Variants in U2AF2 observed in about 807,000 individuals in gnomAD.
The protein encoded by U2AF2 is splicing factor U2AF 65 kDa subunit.
In U2AF2, 6 loss-of-function variants were observed where a neutral mutation model predicts 52.6. That is an observed-to-expected ratio of 0.11 (90% confidence interval 0.06 to 0.23). The LOEUF is 0.23. Among genes scored for constraint, U2AF2 ranks in the 10% least tolerant of loss-of-function variants. The pLI, the probability that U2AF2 is intolerant of heterozygous loss-of-function variation, is 1.00. For missense variants in U2AF2, 222 were observed against 677.1 expected (o/e 0.33, Z 7.46); for synonymous variants, 284 against 258.2 (o/e 1.10, Z -0.96).
intron 2 of U2AF2, among the ~76,000 whole-genome samples, chr19:55,659,932 C>A (rs1984058189): frequency 6.6e-6 from 1 of 152,184 alleles, no homozygotes; most frequent in African/African-American, 2.4e-5. Context: ...CCTCCCGGCT[C>A]AGTTTCTCCA....
chr19:55,656,658 C>T (rs975595829), intron 1 of U2AF2, among the ~76,000 whole-genome samples: 3 of 152,216 alleles, frequency 2.0e-5, no homozygotes, highest in African/African-American at 7.2e-5. Context: ...ATCCTTTTAA[C>T]AGCCTTGTGA....
At chr19:55,670,456 A>C (rs1301725941) in intron 11 of U2AF2, among the ~76,000 whole-genome samples, 3 of 139,602 alleles carry the variant, frequency 2.1e-5, no homozygotes, top group Non-Finnish European at 3.0e-5. Context: ...TGTCCCGTGC[A>C]CCCTGCTGTC....
At chr19:55,673,783 C>G (rs1471547478) in intron 11 of U2AF2, 151 bp from the exon 12 acceptor site, 25 of 1,086,956 alleles carry the variant, frequency 2.3e-5, no homozygotes, top group African/African-American at 1.9e-4. Context: ...TGAACTCCAC[C>G]AAACCTGCTT....
chr19:55,669,824 C>G (rs1033132175), intron 11 of U2AF2, 132 bp downstream of exon 11: 10 of 1,349,090 alleles, frequency 7.4e-6, no homozygotes, highest in Non-Finnish European at 9.8e-6. Context: ...CTCTCTCTCT[C>G]CTCTCGCAGC....
intron 10 of U2AF2, 71 bp downstream of exon 10, chr19:55,669,252 C>T: frequency 1.3e-6 from 2 of 1,577,702 alleles, no homozygotes; most frequent in Non-Finnish European, 1.7e-6. Context: ...ACAAGTGTTC[C>T]TGATCTTTCT....
chr19:55,663,351 C>T (rs1454824117), intron 6 of U2AF2, among the ~76,000 whole-genome samples: 2 of 152,226 alleles, frequency 1.3e-5, no homozygotes, highest in Non-Finnish European at 2.9e-5. Context: ...TGTCCCTCTT[C>T]CGTGTCATCA....
intron 11 of U2AF2, chr19:55,672,110 CAG>C (rs1984957643): frequency 6.8e-6 from 1 of 147,504 alleles, no homozygotes. Context: ...GCCTGGGTGA[CAG>C]AGCAAGACAT....
intron 7 of U2AF2, chr19:55,663,984 G>C: frequency 1.9e-6 from 1 of 534,794 alleles, no homozygotes; most frequent in Middle Eastern, 5.1e-4. Flanking sequence ...GTACGTGGCA[G>C]AGCCAGGATC....
chr19:55,669,014 G>A (rs1984716079), intron 9 of U2AF2, 69 bp from the exon 10 acceptor site: 1 of 1,556,972 alleles, frequency 6.4e-7, no homozygotes, highest in African/African-American at 1.4e-5. Flanking sequence ...CTTGGGGGTA[G>A]GTGTCGGGCT....
At chr19:55,660,479 G>A (rs1345825100) in intron 3 of U2AF2, 37 bp from the exon 4 acceptor site, 3 of 1,152,912 alleles carry the variant, frequency 2.6e-6, no homozygotes, top group Non-Finnish European at 3.9e-6. Flanking sequence ...TCAGACTGAG[G>A]TTGCCCTGCC....
intron 2 of U2AF2, 26 bp from the exon 3 acceptor site, chr19:55,660,151 C>T (rs1313352372): frequency 2.5e-6 from 4 of 1,588,836 alleles, no homozygotes; most frequent in South Asian, 2.2e-5. Flanking sequence ...TCACCCCTCC[C>T]CATACCTTTC....
chr19:55,655,741 C>G (rs1983752133), intron 1 of U2AF2, among the ~76,000 whole-genome samples: 1 of 152,224 alleles, frequency 6.6e-6, no homozygotes, highest in Non-Finnish European at 1.5e-5. Context: ...TCTGATCTCT[C>G]CCGCCAGGTG....
chr19:55,668,383 C>A lies in U2AF2; in HGVS notation c.743-124C>A. 1 of 971,390 alleles carries A rather than the reference C, an allele frequency of 1.0e-6. No homozygotes were observed. Among genetic ancestry groups the A allele is most frequent in the Non-Finnish European group, 1.5e-6 (1 of 672,716 alleles). 60.2% of individuals were successfully genotyped at this position (971,390 alleles called of 1,614,324 possible). On this transcript the variant is annotated intron_variant, in intron 7 of 11. Coordinates refer to ENST00000308924, the MANE Select transcript of U2AF2 (RefSeq NM_007279.3). The surrounding 1 kb of genome is among the most constrained non-coding windows in gnomAD (Gnocchi z 5.5). ...TGGGGTGGGGTGGGCACGTGGCGACCCCTCCCTCGTCAGATCAGGCAGGAA... is the reference window on the plus strand; with the variant it reads ...TGGGGTGGGGTGGGCACGTGGCGACACCTCCCTCGTCAGATCAGGCAGGAA...
At chr19:55,661,241 C>A (rs1397097369) in intron 5 of U2AF2, 52 bp downstream of exon 5, 1 of 1,446,394 alleles carries the variant, frequency 6.9e-7, no homozygotes, top group Admixed American at 2.2e-5. Context: ...TACCCCGTTC[C>A]TCCCCTTCCC....
rs746794057 is a variant in U2AF2, at chr19:55,659,320, G to A, written c.160G>A (p.Ala54Thr). ...CCGGCGCAACCGGGACCAGCGGAGC[G>A]CCTCCCGGGACAGGCGACGACGCAG... ...RDRRNRDQRS[A>T]SRDRRRRSKP... Residue 54 changes from alanine (A) to threonine (T), a missense_variant, in exon 2 of 12, where the codon GCC becomes ACC. Physicochemically the swap from Ala to Thr is moderately conservative, Grantham distance 58. Transcript: ENST00000308924. 45 of 1,570,300 alleles carry A rather than the reference G, an allele frequency of 2.9e-5. No individual in the cohort carries two copies. The highest frequency in any genetic ancestry group is 3.5e-5 in the Non-Finnish European group (40 of 1,155,960).
chr19:55,669,777 C>A, intron 11 of U2AF2, 85 bp downstream of exon 11: 1 of 1,463,600 alleles, frequency 6.8e-7, no homozygotes, highest in Non-Finnish European at 9.1e-7. Flanking sequence ...TGCTCCCTCA[C>A]CCTCTCCCCC....
rs1984149364 is a variant in U2AF2 at position 55,660,964 on chromosome 19, C to G, written c.335-74C>G. On this transcript the variant is annotated intron_variant, in intron 4 of 11. Coordinates refer to ENST00000308924, the MANE Select transcript of U2AF2 (RefSeq NM_007279.3). ...GAGCTTTCTGCTGAGGAGGGGAACT[C>G]CCAGTGTGTGGTGAGGGGTGGTCAC... The G allele has an allele frequency of 2.7e-6, 4 of 1,504,378 alleles. No individual in the cohort carries two copies. In the Admixed American group the frequency reaches 8.5e-5, roughly 32 times the overall value. The allele number at this position is 1,504,378 out of a possible 1,614,324, so 93.2% of individuals were successfully genotyped here.
intron 4 of U2AF2, 61 bp downstream of exon 4, chr19:55,660,680 A>G: frequency 6.7e-7 from 1 of 1,482,692 alleles, no homozygotes; most frequent in Non-Finnish European, 9.3e-7. Flanking sequence ...ATTCTCCGTC[A>G]GTCATTCCCC....
rs1352019771 is a variant in U2AF2 at position 55,662,522 on chromosome 19, C to T, written c.507C>T (p.Phe169=). The change falls in exon 6 of 12, where the codon TTC becomes TTT. Residue 169 remains phenylalanine, a synonymous_variant. Coordinates refer to ENST00000308924, the MANE Select transcript of U2AF2 (RefSeq NM_007279.3). ...GITEEAMMDF[F]NAQMRLGGLT... Reference sequence around the variant, plus strand: ...TGCAGGAGGCCATGATGGATTTCTTCAACGCCCAGATGCGCCTGGGGGGGC... The same window carrying T: ...TGCAGGAGGCCATGATGGATTTCTTTAACGCCCAGATGCGCCTGGGGGGGC... 1 of 1,415,494 alleles carries T rather than the reference C, an allele frequency of 7.1e-7. No homozygotes were observed. The allele number at this position is 1,415,494 out of a possible 1,614,324, so 87.7% of individuals were successfully genotyped here.
Sources: allele counts gnomAD v4.1 joint callset (sites outside exome capture counted in the v4.1 genomes callset), GRCh38; gene constraint gnomAD v4.1.1; non-coding constraint Gnocchi (gnomAD v3.1); transcripts MANE v1.5; gene names NCBI Gene and HGNC (gene_info 2026-07-23, HGNC 2026-07-21).